CDK17: variants seen among roughly 807,000 people sequenced by gnomAD.
The protein encoded by CDK17 is cyclin dependent kinase 17.
CDK17 carries 24 observed loss-of-function variants against 77.6 expected under a neutral mutation model. That is an observed-to-expected ratio of 0.31 (90% confidence interval 0.22 to 0.44). The LOEUF (loss-of-function observed/expected upper bound fraction) is 0.44, where lower values mean the gene tolerates loss of function less well. Among genes scored for constraint, CDK17 ranks in the 20% least tolerant of loss-of-function variants. The pLI is 1.00. For synonymous variants in CDK17, 203 were observed against 210.4 expected, an observed-to-expected ratio of 0.96 and a Z score of 0.30; for missense variants, 429 against 622.5, an observed-to-expected ratio of 0.69 and a Z score of 3.31.
chr12:96,280,595 A>G, intron 16 of CDK17: 1 of 1,415,436 alleles, frequency 7.1e-7, no homozygotes, highest in Non-Finnish European at 9.2e-7. Flanking sequence ...AGGATCCCTG[A>G]CTTGACTGAG....
intron 6 of CDK17, among the ~76,000 whole-genome samples, chr12:96,300,067 C>T (rs570489744): frequency 3.5e-4 from 54 of 152,242 alleles, no homozygotes; most frequent in Admixed American, 1.6e-3. Context: ...ATACTTTCTG[C>T]TTCAATAAAA....
At chr12:96,338,571 A>G (rs1464419552) in intron 1 of CDK17, among the ~76,000 whole-genome samples, 10 of 152,098 alleles carry the variant, frequency 6.6e-5, no homozygotes, top group Non-Finnish European at 7.4e-5. Flanking sequence ...TTGTATTTTT[A>G]GTAGAGATGG....
At chr12:96,381,569 C>T (rs1200676056) in intron 1 of CDK17, among the ~76,000 whole-genome samples, 1 of 152,018 alleles carries the variant, frequency 6.6e-6, no homozygotes, top group Non-Finnish European at 1.5e-5. Context: ...CTCCCATAAA[C>T]TCTACTACTG....
chr12:96,292,404 G>C (rs972394843), intron 10 of CDK17, among the ~76,000 whole-genome samples: 1 of 152,006 alleles, frequency 6.6e-6, no homozygotes, highest in African/African-American at 2.4e-5. Context: ...CCAGGAGTTC[G>C]AGACCAGCCT....
At chr12:96,305,952 G>A (rs913230332) in intron 5 of CDK17, among the ~76,000 whole-genome samples, 1 of 152,102 alleles carries the variant, frequency 6.6e-6, no homozygotes, top group Non-Finnish European at 1.5e-5. Context: ...GGACTCCTGG[G>A]CTCAAGCAAA....
chr12:96,371,690 C>A (rs767814280), intron 1 of CDK17, among the ~76,000 whole-genome samples: 1 of 151,978 alleles, frequency 6.6e-6, no homozygotes, highest in Non-Finnish European at 1.5e-5. Flanking sequence ...CGAGATCAGG[C>A]CATTGCACTC....
chr12:96,296,283 T>C (rs989833251), intron 9 of CDK17, among the ~76,000 whole-genome samples: 2 of 151,774 alleles, frequency 1.3e-5, no homozygotes, highest in African/African-American at 4.8e-5. Context: ...AAAAACAAAA[T>C]TAAAACCAAA....
intron 1 of CDK17, among the ~76,000 whole-genome samples, chr12:96,349,740 A>G (rs867295556): frequency 1.2e-4 from 19 of 152,208 alleles, no homozygotes; most frequent in African/African-American, 4.3e-4. Context: ...CACCACTTCT[A>G]TTCAATACCG....
At chr12:96,359,704 G>A (rs1441980830) in intron 1 of CDK17, among the ~76,000 whole-genome samples, 2 of 152,062 alleles carry the variant, frequency 1.3e-5, no homozygotes, top group African/African-American at 4.8e-5. Flanking sequence ...ATACTATGAT[G>A]TATTAAAATT....
chr12:96,300,265 G>GA, intron 6 of CDK17, 39 bp downstream of exon 6: 6 of 1,382,612 alleles, frequency 4.3e-6, no homozygotes, highest in East Asian at 2.3e-5. Flanking sequence ...TGACGAATAA[G>GA]AAAAAAATGT....
rs1353234698 is a variant in CDK17 at position 96,336,219 on chromosome 12, TG to T, written c.-29-1355del. Among the ~76,000 whole-genome samples, 8 of 152,110 alleles carry T rather than the reference TG, an allele frequency of 5.3e-5. No individual in the cohort carries two copies. The South Asian group carries it at 1.2e-3, about 24-fold the overall frequency. On this transcript the variant is annotated intron_variant, in intron 1 of 16. Transcript: ENST00000261211. ...GCTCATGCTTGTAATCCTGGCATAT[TG>T]GGAGGCCAAGGCAGGAGGATCTCTT... is the stretch of plus-strand genomic sequence containing the variant.
intron 10 of CDK17, among the ~76,000 whole-genome samples, chr12:96,293,406 T>A (rs144914286): frequency 1.1e-4 from 17 of 152,300 alleles, no homozygotes; most frequent in Non-Finnish European, 2.4e-4. Context: ...TCGTGATATG[T>A]TGCTTTGATA....
At position 96,328,777 on chromosome 12, in the gene CDK17, T is replaced by A. The variant is rs74723215; in HGVS notation, c.119-4665A>T. Among the ~76,000 whole-genome samples the A allele has an allele frequency of 7.1e-3, 1,085 of 152,166 alleles. 7 individuals carry two copies. Among genetic ancestry groups the A allele is most frequent in the African/African-American group, 0.025 (1,029 of 41,504 alleles). On this transcript the variant is annotated intron_variant, in intron 2 of 16. Coordinates refer to ENST00000261211, the MANE Select transcript of CDK17 (RefSeq NM_002595.5). ...ATGAATCTAGAGATCCAGATGAAGA[T>A]CCTAACTGGAGATTCAGACTTAGGA...
At chr12:96,389,402 G>C (rs757206548) in intron 1 of CDK17, among the ~76,000 whole-genome samples, 9 of 152,108 alleles carry the variant, frequency 5.9e-5, no homozygotes, top group Non-Finnish European at 8.8e-5. Flanking sequence ...CTAAGTTGCA[G>C]ATCTTTTCCA....
At chr12:96,382,163 G>A (rs1224448453) in intron 1 of CDK17, among the ~76,000 whole-genome samples, 1 of 151,954 alleles carries the variant, frequency 6.6e-6, no homozygotes, top group Admixed American at 6.6e-5. Flanking sequence ...GTTTGTCACA[G>A]CACCGATTTA....
At chr12:96,330,609 T>A (rs1352063779) in intron 2 of CDK17, among the ~76,000 whole-genome samples, 7 of 152,196 alleles carry the variant, frequency 4.6e-5, no homozygotes, top group Admixed American at 3.9e-4. Flanking sequence ...TTCATATAAA[T>A]GGAATCATAG....
Position 96,383,404 on chromosome 12 carries a change from G to GA in CDK17, c.-30+16581dup, listed in dbSNP as rs57708359. ...AATGTAATTCTTCACAAAATTAGAA[G>GA]AAAAAAAAAAAAAACTCTTCTAAGA... On this transcript the variant is annotated intron_variant, in intron 1 of 16. Coordinates refer to ENST00000261211, the MANE Select transcript of CDK17 (RefSeq NM_002595.5). 4.3e-3 allele frequency among the ~76,000 whole-genome samples: 591 copies of GA among 137,124 alleles called. 5 individuals carry two copies. The highest frequency in any genetic ancestry group is 0.019 in the Middle Eastern group (5 of 268). The allele number at this position is 137,124 out of a possible 152,430, so 90.0% of individuals were successfully genotyped here. A position where few individuals can be genotyped will look rare whatever the true frequency, so the allele number is the denominator to read the frequency against.
chr12:96,340,301 T>C (rs1172363530), intron 1 of CDK17, among the ~76,000 whole-genome samples: 2 of 152,146 alleles, frequency 1.3e-5, no homozygotes, highest in African/African-American at 4.8e-5. Flanking sequence ...GTCTATAAAG[T>C]AATTTTAACT....
At chr12:96,357,958 G>A (rs1424964362) in intron 1 of CDK17, among the ~76,000 whole-genome samples, 1 of 151,866 alleles carries the variant, frequency 6.6e-6, no homozygotes, top group East Asian at 1.9e-4. Flanking sequence ...AACAAATTAC[G>A]GTAATTCATA....
Sources: allele counts gnomAD v4.1 joint callset (sites outside exome capture counted in the v4.1 genomes callset), GRCh38; gene constraint gnomAD v4.1.1; transcripts MANE v1.5; gene names NCBI Gene and HGNC (gene_info 2026-07-23, HGNC 2026-07-21).